CPNE8: variants seen among roughly 807,000 people sequenced by gnomAD.
CPNE8 encodes copine-8.
A neutral mutation model predicts 81.5 loss-of-function variants in CPNE8; 45 were observed. The ratio of observed to expected loss-of-function variants is 0.55; its 90% CI spans 0.44 to 0.71. CPNE8 has a LOEUF of 0.71. Among genes scored for constraint, CPNE8 ranks in the 30% least tolerant of loss-of-function variants. CPNE8 has a pLI of 0.00. For missense variants in CPNE8, 594 were observed against 672.1 expected (o/e 0.88, Z 1.28); for synonymous variants, 252 against 226.3 (o/e 1.11, Z -1.02).
At chr12:38,706,319 T>G (rs1381511921) in intron 13 of CPNE8, among the ~76,000 whole-genome samples, 3 of 152,156 alleles carry the variant, frequency 2.0e-5, no homozygotes, top group African/African-American at 7.2e-5. Context: ...AACCCAAATT[T>G]GATCTGAATA....
chr12:38,709,538 T>G (rs772545596), intron 13 of CPNE8, among the ~76,000 whole-genome samples: 8 of 152,274 alleles, frequency 5.3e-5, no homozygotes, highest in Non-Finnish European at 8.8e-5. Flanking sequence ...TGTAAATAAT[T>G]ATAAAACCTT....
At chr12:38,906,678 G>T, upstream of CPNE8, 1 of 897,358 alleles carries the variant, frequency 1.1e-6, no homozygotes, top group Non-Finnish European at 1.3e-6. Context: ...CGGAGTCGTG[G>T]CAAAAGCATC....
At chr12:38,734,674 C>T (rs74087394) in intron 10 of CPNE8, among the ~76,000 whole-genome samples, 5,333 of 152,004 alleles carry the variant, frequency 0.035, 292 homozygotes, top group African/African-American at 0.12. Context: ...GGAGGTAATG[C>T]CTACTTTCTA....
intron 6 of CPNE8, among the ~76,000 whole-genome samples, chr12:38,826,965 C>T (rs1943206134): frequency 2.7e-5 from 4 of 146,780 alleles, no homozygotes; most frequent in South Asian, 2.2e-4. Flanking sequence ...GTCAGGAGTT[C>T]GAGACCAGCC....
chr12:38,703,498 T>TGGG (rs1940005447), intron 13 of CPNE8, among the ~76,000 whole-genome samples: 1 of 152,068 alleles, frequency 6.6e-6, no homozygotes, highest in Non-Finnish European at 1.5e-5. Context: ...ACAGCCAACA[T>TGGG]CATACTGAAT....
intron 16 of CPNE8, among the ~76,000 whole-genome samples, chr12:38,684,937 A>C (rs1204517759): frequency 6.6e-6 from 1 of 152,224 alleles, no homozygotes; most frequent in East Asian, 1.9e-4. Flanking sequence ...TTTCTTCAGA[A>C]CATGTACTTG....
chr12:38,819,370 T>G (rs2137003416), intron 6 of CPNE8, among the ~76,000 whole-genome samples: 1 of 152,248 alleles, frequency 6.6e-6, no homozygotes, highest in African/African-American at 2.4e-5. Flanking sequence ...ATAACTGACT[T>G]ATTATAATGC....
At chr12:38,743,260 A>G (rs2136801650) in intron 10 of CPNE8, among the ~76,000 whole-genome samples, 1 of 152,244 alleles carries the variant, frequency 6.6e-6, no homozygotes, top group South Asian at 2.1e-4. Flanking sequence ...ACTAAATATG[A>G]ACATGAAATA....
intron 13 of CPNE8, among the ~76,000 whole-genome samples, chr12:38,715,383 T>C (rs1940361228): frequency 6.6e-6 from 1 of 152,054 alleles, no homozygotes; most frequent in Non-Finnish European, 1.5e-5. Flanking sequence ...TTTCACCCTT[T>C]TGATGACGTC....
chr12:38,871,768 C>G (rs981651254), intron 3 of CPNE8, among the ~76,000 whole-genome samples: 1 of 151,972 alleles, frequency 6.6e-6, no homozygotes, highest in African/African-American at 2.4e-5. Flanking sequence ...ATATTTGAAG[C>G]AAAGAAGAAG....
chr12:38,848,511 T>TAGTAATTA lies in CPNE8; in HGVS notation c.290+47_290+48insTAATTACT, dbSNP rs1565646945. 2.6e-6 allele frequency: 4 copies of TAGTAATTA among 1,527,516 alleles called. 1 individual carries two copies. In the South Asian group the frequency reaches 5.1e-5, roughly 20 times the overall value. The allele number at this position is 1,527,516 out of a possible 1,614,324, so 94.6% of individuals were successfully genotyped here. On this transcript the variant is annotated intron_variant, in intron 4 of 19. Coordinates refer to ENST00000331366, the MANE Select transcript of CPNE8 (RefSeq NM_153634.3). ...GGACCCTGCCTTACATTAGTAATAT[T>TAGTAATTA]GTCTTTAAAATCAAATTTTTCTAAA...
At chr12:38,901,841 G>A (rs961964606) in intron 1 of CPNE8, among the ~76,000 whole-genome samples, 8 of 152,068 alleles carry the variant, frequency 5.3e-5, no homozygotes, top group African/African-American at 1.9e-4. Flanking sequence ...ATTCCACAAT[G>A]ATCCTTTCCC....
chr12:38,863,798 G>A (rs892042061), intron 3 of CPNE8, among the ~76,000 whole-genome samples: 1 of 152,174 alleles, frequency 6.6e-6, no homozygotes, highest in South Asian at 2.1e-4. Context: ...CACGCCTGTG[G>A]TCCCAGCACT....
At chr12:38,833,991 AGACAGCAG>A (rs1943341905) in intron 5 of CPNE8, among the ~76,000 whole-genome samples, 2 of 152,140 alleles carry the variant, frequency 1.3e-5, no homozygotes, top group Admixed American at 6.5e-5. Flanking sequence ...AAAGCAAGAG[AGACAGCAG>A]GTTAGAGCAG....
At chr12:38,674,073 CAG>C (rs1177170733) in intron 18 of CPNE8, among the ~76,000 whole-genome samples, 1 of 151,882 alleles carries the variant, frequency 6.6e-6, no homozygotes, top group Admixed American at 6.6e-5. Flanking sequence ...CAGGACCTCA[CAG>C]AGAGAAAATG....
At chr12:38,881,908 G>GAA (rs566534874) in intron 1 of CPNE8, among the ~76,000 whole-genome samples, 1,636 of 151,900 alleles carry the variant, frequency 0.011, 22 homozygotes, top group South Asian at 0.038. Flanking sequence ...AAAAAATGGA[G>GAA]AAAAAAAAGA....
At chr12:38,880,882 C>T (rs973420429) in intron 1 of CPNE8, among the ~76,000 whole-genome samples, 10 of 151,940 alleles carry the variant, frequency 6.6e-5, no homozygotes, top group African/African-American at 2.4e-4. Flanking sequence ...GCAAGGGGAG[C>T]CAAACTGTGT....
At chr12:38,836,709 C>CA (rs1275048316) in intron 5 of CPNE8, among the ~76,000 whole-genome samples, 25 of 152,242 alleles carry the variant, frequency 1.6e-4, no homozygotes, top group Admixed American at 1.4e-3. Flanking sequence ...GGCAGGTAGA[C>CA]AACAACAGTC....
chr12:38,788,978 C>T (rs978265553), intron 6 of CPNE8, among the ~76,000 whole-genome samples: 5 of 151,754 alleles, frequency 3.3e-5, no homozygotes, highest in Non-Finnish European at 7.4e-5. Context: ...AAAAGATATT[C>T]CATGTTTATG....
Sources: gnomAD v4.1 joint callset for allele counts (sites outside exome capture counted in the v4.1 genomes callset) on GRCh38, gnomAD v4.1.1 for gene constraint, MANE v1.5 for transcripts, NCBI Gene and HGNC (gene_info 2026-07-23, HGNC 2026-07-21) for gene names.